TIAM1: variants seen among roughly 807,000 people sequenced by gnomAD.
The protein encoded by TIAM1 is rho guanine nucleotide exchange factor TIAM1.
TIAM1 carries 65 observed loss-of-function variants against 163.5 expected under a neutral mutation model. The ratio of observed to expected loss-of-function variants is 0.40; its 90% CI spans 0.33 to 0.49. The LOEUF (loss-of-function observed/expected upper bound fraction) is 0.49, where lower values mean the gene tolerates loss of function less well. TIAM1 is among the 20% of genes least tolerant of loss of function. The probability of loss-of-function intolerance (pLI) is 0.77; values close to 1 mark genes in which losing one functional copy is unlikely to be tolerated. For synonymous variants in TIAM1, 833 were observed against 810.1 expected (o/e 1.03, Z -0.48); for missense variants, 1,789 against 2,044.7 (o/e 0.87, Z 2.41).
intron 1 of TIAM1, among the ~76,000 whole-genome samples, chr21:31,489,293 C>G (rs1161313719): frequency 1.4e-5 from 2 of 141,954 alleles, no homozygotes; most frequent in Admixed American, 1.5e-4. Flanking sequence ...TGGCTTGAAC[C>G]CAGGAGTTCA....
At chr21:31,306,607 G>A (rs2074719681) in intron 2 of TIAM1, among the ~76,000 whole-genome samples, 1 of 152,162 alleles carries the variant, frequency 6.6e-6, no homozygotes, top group Non-Finnish European at 1.5e-5. Flanking sequence ...CTACATCGTG[G>A]CCTGTGATGT....
At chr21:31,169,171 G>A (rs1327592857) in intron 15 of TIAM1, among the ~76,000 whole-genome samples, 1 of 152,124 alleles carries the variant, frequency 6.6e-6, no homozygotes, top group Non-Finnish European at 1.5e-5. Context: ...GCACATGCCT[G>A]TAATCCCAGC....
At chr21:31,219,123 C>T (rs1209027647) in intron 8 of TIAM1, among the ~76,000 whole-genome samples, 1 of 140,016 alleles carries the variant, frequency 7.1e-6, no homozygotes, top group African/African-American at 2.6e-5. Context: ...CACAAGGGAA[C>T]ACCCTAAATG....
intron 11 of TIAM1, among the ~76,000 whole-genome samples, chr21:31,204,053 A>G (rs1363798726): frequency 6.6e-6 from 1 of 152,274 alleles, no homozygotes; most frequent in Non-Finnish European, 1.5e-5. Context: ...TTGAGGAATA[A>G]GTAATAATAC....
chr21:31,210,639 A>AGGG (rs1569032034), intron 10 of TIAM1, among the ~76,000 whole-genome samples: 449 of 25,814 alleles, frequency 0.017, 3 homozygotes, highest in South Asian at 0.019. Flanking sequence ...GAAAGAAAGA[A>AGGG]AGAAAGAAAG....
intron 2 of TIAM1, among the ~76,000 whole-genome samples, chr21:31,418,277 A>G (rs189584077): frequency 5.7e-4 from 81 of 143,026 alleles, no homozygotes; most frequent in Non-Finnish European, 1.2e-4. Flanking sequence ...GGCAGGCGGA[A>G]GTTGAGGTGA....
chr21:31,541,669 T>C (rs2048327395), intron 1 of TIAM1, among the ~76,000 whole-genome samples: 1 of 151,920 alleles, frequency 6.6e-6, no homozygotes, highest in Non-Finnish European at 1.5e-5. Context: ...AGAAACAAAA[T>C]ACAAAGCTGT....
At chr21:31,282,373 T>C (rs555668042) in intron 2 of TIAM1, among the ~76,000 whole-genome samples, 1 of 152,352 alleles carries the variant, frequency 6.6e-6, no homozygotes, top group Non-Finnish European at 1.5e-5. Flanking sequence ...AGCAGCCGTC[T>C]TGAAGACGCA....
chr21:31,391,003 A>C (rs2076956654), intron 2 of TIAM1, among the ~76,000 whole-genome samples: 2 of 152,098 alleles, frequency 1.3e-5, no homozygotes, highest in African/African-American at 4.8e-5. Context: ...ACAGGCAGAT[A>C]CCTTTCTAGA....
chr21:31,268,291 C>T (rs1197375787), intron 3 of TIAM1, among the ~76,000 whole-genome samples: 2 of 152,100 alleles, frequency 1.3e-5, no homozygotes, highest in Admixed American at 6.6e-5. Context: ...AGGGAAGGCA[C>T]GTGATAGACA....
intron 23 of TIAM1, 121 bp downstream of exon 23, chr21:31,135,812 C>G: frequency 2.3e-6 from 2 of 870,382 alleles, no homozygotes; most frequent in East Asian, 2.6e-5. Flanking sequence ...GCAGGAAGAC[C>G]GATTCAAGTA....
intron 1 of TIAM1, among the ~76,000 whole-genome samples, chr21:31,542,351 CAGG>C (rs1456135320): frequency 6.6e-6 from 1 of 151,688 alleles, no homozygotes; most frequent in Non-Finnish European, 1.5e-5. Flanking sequence ...GGCGTGAACC[CAGG>C]AGGAGGAGCT....
chr21:31,167,462 T>G (rs533795970), intron 15 of TIAM1, among the ~76,000 whole-genome samples: 1 of 152,222 alleles, frequency 6.6e-6, no homozygotes, highest in African/African-American at 2.4e-5. Flanking sequence ...CACTTAGAAA[T>G]GCTAAATAAA....
Position 31,361,257 on chromosome 21 carries a change from A to T in TIAM1, c.-368-21835T>A, listed in dbSNP as rs1226795721. On this transcript the variant is annotated intron_variant, in intron 2 of 28. Transcript: ENST00000286827. ...TAAAGCCAGACCCAGAATACTTAATAAAGTATGATTCCACTGATATACAGT... is the reference window on the plus strand; with the variant it reads ...TAAAGCCAGACCCAGAATACTTAATTAAGTATGATTCCACTGATATACAGT... Among the ~76,000 whole-genome samples the T allele has an allele frequency of 2.0e-5, 3 of 152,376 alleles. No homozygotes were observed. In the South Asian group the frequency reaches 6.2e-4, roughly 32 times the overall value.
chr21:31,479,624 C>T (rs571679728), intron 1 of TIAM1, among the ~76,000 whole-genome samples: 1 of 152,126 alleles, frequency 6.6e-6, no homozygotes, highest in African/African-American at 2.4e-5. Flanking sequence ...CCATAGAAAT[C>T]GACAAAACAC....
At chr21:31,535,117 T>G (rs920160423) in intron 1 of TIAM1, among the ~76,000 whole-genome samples, 2 of 147,564 alleles carry the variant, frequency 1.4e-5, no homozygotes, top group Non-Finnish European at 3.0e-5. Flanking sequence ...GCGCAGTGGC[T>G]CACGCCTGTA....
At chr21:31,387,410 G>A (rs913511359) in intron 2 of TIAM1, among the ~76,000 whole-genome samples, 9 of 151,488 alleles carry the variant, frequency 5.9e-5, no homozygotes, top group African/African-American at 1.2e-4. Context: ...ATGGGGTTTC[G>A]CCATGTTGAC....
chr21:31,241,581 C>A (rs752604937), intron 6 of TIAM1, among the ~76,000 whole-genome samples: 5 of 152,080 alleles, frequency 3.3e-5, no homozygotes, highest in Non-Finnish European at 5.9e-5. Context: ...CTATCACCAC[C>A]GATAATCAAC....
rs1391845797 is a variant in TIAM1, at chr21:31,294,336, A to C, written c.-188-17428T>G. ...CACTCAGCCCCTCCAAGCCCTAACT[A>C]TACCCCTTTCTGAAAATACCCATCT... On this transcript the variant is annotated intron_variant, in intron 2 of 27. Transcript: ENST00000541036. Among the ~76,000 whole-genome samples, 3 of 152,328 alleles carry C rather than the reference A, an allele frequency of 2.0e-5. No individual in the cohort carries two copies. In the East Asian group the frequency reaches 5.8e-4, roughly 29 times the overall value.
Sources: allele counts gnomAD v4.1 joint callset (sites outside exome capture counted in the v4.1 genomes callset), GRCh38; gene constraint gnomAD v4.1.1; transcripts MANE v1.5; gene names NCBI Gene and HGNC (gene_info 2026-07-23, HGNC 2026-07-21).